Variants in EMILIN1 observed in about 807,000 individuals in gnomAD.
EMILIN1 encodes the protein EMILIN-1.
EMILIN1 carries 49 observed loss-of-function variants against 82.4 expected under a neutral mutation model. The ratio of observed to expected loss-of-function variants is 0.59; its 90% CI spans 0.47 to 0.75. EMILIN1 has a LOEUF of 0.75. EMILIN1 is among the 30% of genes least tolerant of loss of function. The pLI, the probability that EMILIN1 is intolerant of heterozygous loss-of-function variation, is 0.00. For synonymous variants in EMILIN1, 604 were observed against 602.2 expected (o/e 1.00, Z -0.04); for missense variants, 1,313 against 1,366.4 (o/e 0.96, Z 0.62).
rs777144262 is a variant in EMILIN1, at chr2:27,083,748, G to A, written c.2177G>A (p.Arg726Gln). The change falls in exon 4 of 8, where the codon CGA (arginine) becomes CAA (glutamine). Residue 726 changes from arginine (R) to glutamine (Q), a missense_variant. By Grantham distance (43) the Arg-to-Gln change is conservative. Transcript: ENST00000380320. The stretch of plus-strand genomic sequence containing the variant: ...GGCCAGTGCCCCAGCTTAGAGGGGC[G>A]ATTGGGCCGTCTTGAGGGTGTCTGT... Reference protein sequence around the residue: ...QAGQCPSLEGRLGRLEGVCER... With the variant: ...QAGQCPSLEGQLGRLEGVCER... 1.3e-5 allele frequency: 21 copies of A among 1,613,420 alleles called. No individual in the cohort carries two copies. In the Admixed American group the frequency reaches 1.5e-4, roughly 12 times the overall value.
rs1237552666 is a variant in EMILIN1 at position 27,083,686 on chromosome 2, G to A, written c.2115G>A (p.Glu705=). 2 of 1,613,856 alleles carry A rather than the reference G, an allele frequency of 1.2e-6. No homozygotes were observed. The highest frequency in any genetic ancestry group is 1.7e-6 in the Non-Finnish European group (2 of 1,179,848). The change falls in exon 4 of 8, where the codon GAG becomes GAA. Residue 705 remains glutamate, a synonymous_variant. Coordinates refer to ENST00000380320, the MANE Select transcript of EMILIN1 (RefSeq NM_007046.4). Reference sequence around the variant, plus strand: ...CAGAGCATGCTACAGAGAGTGAAGAGCGCTTCCGAGGCCTAGAGGAGGGAC... The same window carrying A: ...CAGAGCATGCTACAGAGAGTGAAGAACGCTTCCGAGGCCTAGAGGAGGGAC... ...EATEHATESE[E]RFRGLEEGQA... is the part of the protein sequence containing the mutation.
At chr2:27,079,334 A>AG in intron 1 of EMILIN1, 99 bp downstream of exon 1, 1 of 1,065,442 alleles carries the variant, frequency 9.4e-7, no homozygotes, top group Non-Finnish European at 1.3e-6. Flanking sequence ...TGCAGGGCAG[A>AG]GGGGGAGTGA....
intron 3 of EMILIN1, 80 bp downstream of exon 3, chr2:27,081,032 G>A: frequency 1.8e-6 from 2 of 1,133,880 alleles, no homozygotes; most frequent in Non-Finnish European, 2.5e-6. Flanking sequence ...CCAGGCTGCT[G>A]GGGGAGTCCC....
At position 27,083,877 on chromosome 2, in the gene EMILIN1, G is replaced by C. The variant is rs1337388794; in HGVS notation, c.2306G>C (p.Ser769Thr). 3 of 1,609,150 alleles carry C rather than the reference G, an allele frequency of 1.9e-6. No individual in the cohort carries two copies. In the South Asian group the frequency reaches 3.3e-5, roughly 18 times the overall value. ...GGGCTCCGGGAAACCAACACCACCA[G>C]CCAGATGCAGGCAGCCCTGCTGGAG... ...WAGLRETNTT[S>T]QMQAALLEKL... The change falls in exon 4 of 8, where the codon AGC becomes ACC. Residue 769 changes from serine (S) to threonine (T), a missense_variant. Transcript: ENST00000380320.
In EMILIN1 at chr2:27,086,026, C is replaced by T. The variant is rs1249123133; in HGVS notation, c.*11C>T. 4 of 1,426,608 alleles carry T rather than the reference C, an allele frequency of 2.8e-6. No homozygotes were observed. Among genetic ancestry groups the T allele is most frequent in the Non-Finnish European group, 2.8e-6 (3 of 1,081,130 alleles). 88.4% of individuals were successfully genotyped at this position (1,426,608 alleles called of 1,614,324 possible). On this transcript the variant is annotated 3_prime_UTR_variant, in exon 8 of 8. Transcript: ENST00000380320. ...CTTGAACACGCGTAGACTGGGGTCC[C>T]GCCCGACGTGTCTACGTCGGCTGAA...
chr2:27,082,412 T>TCAGCCC lies in EMILIN1; in HGVS notation c.843_848dup (p.Ala282_Pro283dup). ...GGGCAGCAGGGCCCCAGCCCCAGCC[T>TCAGCCC]CAGCCCCTCCGGGCCCCAGTGAGGA... is the stretch of plus-strand genomic sequence containing the variant. On this transcript the variant is annotated inframe_insertion, in exon 4 of 8. Transcript: ENST00000380320. The TCAGCCC allele has an allele frequency of 1.2e-6, 2 of 1,606,696 alleles. No individual in the cohort carries two copies. Among genetic ancestry groups the TCAGCCC allele is most frequent in the Middle Eastern group, 1.7e-4 (1 of 6,050 alleles).
chr2:27,081,139 G>GTC (rs1553340456), intron 3 of EMILIN1, among the ~76,000 whole-genome samples, 187 bp downstream of exon 3: 1 of 151,196 alleles, frequency 6.6e-6, no homozygotes, highest in Non-Finnish European at 1.5e-5. Flanking sequence ...GTGTGTGTGT[G>GTC]TGTGTGTGTA....
intron 3 of EMILIN1, 149 bp downstream of exon 3, chr2:27,081,101 C>G: frequency 1.7e-6 from 1 of 601,574 alleles, no homozygotes. Flanking sequence ...CGCAGAGATT[C>G]CCTGCCCGTG....
In EMILIN1 at chr2:27,083,024, GC is replaced by G; in HGVS notation, c.1457del (p.Pro486LeufsTer75). 1.3e-6 allele frequency: 2 copies of G among 1,551,638 alleles called. No individual in the cohort carries two copies. The highest frequency in any genetic ancestry group is 2.2e-4 in the Middle Eastern group (1 of 4,632). On this transcript the variant is annotated frameshift_variant, in exon 4 of 8. Transcript: ENST00000380320. LOFTEE classifies it high-confidence loss of function. ...MQACGQLCSG[A>X]PGEQDSQVSE... Reference sequence around the variant, plus strand: ...GGCATGCGGGCAGCTCTGCTCTGGGGCCCCTGGGGAGCAGGACTCTCAAGTC... The same window carrying G: ...GGCATGCGGGCAGCTCTGCTCTGGGGCCCTGGGGAGCAGGACTCTCAAGTC...
chr2:27,084,310 C>T, intron 4 of EMILIN1, 105 bp from the exon 5 acceptor site: 1 of 757,284 alleles, frequency 1.3e-6, no homozygotes, highest in South Asian at 1.7e-5. Flanking sequence ...CAAAGCTCCA[C>T]CTGTTCCATC....
At position 27,082,932 on chromosome 2, in the gene EMILIN1, C is replaced by T; in HGVS notation, c.1361C>T (p.Ala454Val). ...GRLEQLGGLL[A>V]NVSGELGGRL... ...CTAGAGCAGTTGGGGGGGCTGCTGG[C>T]CAATGTGAGCGGGGAGCTGGGGGGG... Residue 454 changes from alanine (A) to valine (V), a missense_variant, in exon 4 of 8, where the codon GCC becomes GTC. By Grantham distance (64) the Ala-to-Val change is moderately conservative. Transcript: ENST00000380320. 6.3e-7 allele frequency: 1 copy of T among 1,592,622 alleles called. No individual in the cohort carries two copies.
At chr2:27,084,681 A>C (rs1267605035) in intron 5 of EMILIN1, 150 bp downstream of exon 5, 1 of 634,910 alleles carries the variant, frequency 1.6e-6, no homozygotes, top group African/African-American at 1.8e-5. Flanking sequence ...ATCAGAGGAA[A>C]GTGAGGAGGA....
At chr2:27,084,852 C>T in intron 5 of EMILIN1, 139 bp from the exon 6 acceptor site, 3 of 805,594 alleles carry the variant, frequency 3.7e-6, no homozygotes, top group Non-Finnish European at 6.5e-6. Context: ...CCTACCTATT[C>T]CTGTTTTTCT....
chr2:27,085,258 G>A lies in EMILIN1; in HGVS notation c.2674G>A (p.Val892Ile). The A allele has an allele frequency of 6.2e-7, 1 of 1,614,128 alleles. No individual in the cohort carries two copies. The highest frequency in any genetic ancestry group is 8.5e-7 in the Non-Finnish European group (1 of 1,180,042). ...SEPGTVPFDR[V>I]LLNDGGYYDP... ...ACCAGGCACGGTCCCCTTCGACAGA[G>A]TCCTGCTCAATGATGGAGGCTATTA... is the stretch of plus-strand genomic sequence containing the variant. Residue 892 changes from valine (V) to isoleucine (I), a missense_variant, in exon 7 of 8, where the codon GTC becomes ATC. Transcript: ENST00000380320.
chr2:27,080,934 A>C lies in EMILIN1; in HGVS notation c.493A>C (p.Ser165Arg). ...TGGCTCCAGTGCAGGCAGCCCCCTC[A>C]GTGGACTGGGGGGAGAAGGTGAGTG... ...LSGSSAGSPL[S>R]GLGGEGPGES... is the part of the protein sequence containing the mutation. The change falls in exon 3 of 8, where the codon AGT becomes CGT. Residue 165 changes from serine to arginine, a missense_variant. Ser to Arg is a moderately radical substitution (Grantham distance 110). Transcript: ENST00000380320. The C allele has an allele frequency of 1.3e-6, 2 of 1,595,120 alleles. No individual in the cohort carries two copies. The highest frequency in any genetic ancestry group is 1.7e-6 in the Non-Finnish European group (2 of 1,170,574).
In EMILIN1 at chr2:27,080,218, G is replaced by T. The variant is rs112756874; in HGVS notation, c.238G>T (p.Val80Phe). Residue 80 changes from valine to phenylalanine, a missense_variant, in exon 2 of 8, where the codon GTC becomes TTC. Coordinates refer to ENST00000380320, the MANE Select transcript of EMILIN1 (RefSeq NM_007046.4). ...CCTTGAGGATGGAGTGGAGACATAT[G>T]TCAAGTACCAGCCTTGTGCCTGGGG... ...CVLEDGVETY[V>F]KYQPCAWGQP... The T allele has an allele frequency of 6.2e-7, 1 of 1,614,158 alleles. No homozygotes were observed. Among genetic ancestry groups the T allele is most frequent in the Non-Finnish European group, 8.5e-7 (1 of 1,179,984 alleles).
Position 27,079,078 on chromosome 2 carries a change from A to C in EMILIN1, c.13A>C (p.Thr5Pro), listed in dbSNP as rs1471513105. 6.3e-7 allele frequency: 1 copy of C among 1,596,830 alleles called. No homozygotes were observed. The highest frequency in any genetic ancestry group is 8.5e-7 in the Non-Finnish European group (1 of 1,173,104). ...GGAGCGCCCCGCCATGGCCCCCCGC[A>C]CCCTCTGGAGCTGCTACCTCTGCTG... Reference protein sequence around the residue: MAPRTLWSCYLCCLL... With the variant: MAPRPLWSCYLCCLL... Residue 5 changes from threonine (T) to proline (P), a missense_variant, in exon 1 of 8, where the codon ACC (threonine) becomes CCC (proline). Transcript: ENST00000380320.
Position 27,085,205 on chromosome 2 carries a change from C to T in EMILIN1, c.2621C>T (p.Ser874Leu). 6.2e-7 allele frequency: 1 copy of T among 1,614,194 alleles called. No individual in the cohort carries two copies. The highest frequency in any genetic ancestry group is 8.5e-7 in the Non-Finnish European group (1 of 1,180,048). Residue 874 changes from serine (S) to leucine (L), a missense_variant, in exon 7 of 8, where the codon TCA becomes TTA. Physicochemically the swap from Ser to Leu is moderately radical, Grantham distance 145. Coordinates refer to ENST00000380320, the MANE Select transcript of EMILIN1 (RefSeq NM_007046.4). Reference protein sequence around the residue: ...PAAPVPQVAFSAALSLPRSEP... With the variant: ...PAAPVPQVAFLAALSLPRSEP... ...GCCCCTGTGCCCCAAGTGGCATTTT[C>T]AGCTGCTCTGAGTTTGCCCCGGTCT...
Position 27,083,613 on chromosome 2 carries a change from C to A in EMILIN1, c.2042C>A (p.Thr681Asn), listed in dbSNP as rs935896391. 2.5e-6 allele frequency: 4 copies of A among 1,612,928 alleles called. No homozygotes were observed. The highest frequency in any genetic ancestry group is 3.4e-6 in the Non-Finnish European group (4 of 1,179,124). ...QGADLADLGA[T>N]KDRIISEINR... is the part of the protein sequence containing the mutation. The stretch of plus-strand genomic sequence containing the variant: ...GCTGATCTGGCTGACCTGGGGGCAA[C>A]CAAGGACCGTATCATTTCTGAGATT... The change falls in exon 4 of 8, where the codon ACC (threonine) becomes AAC (asparagine). Residue 681 changes from threonine to asparagine, a missense_variant. Thr to Asn is a moderately conservative substitution (Grantham distance 65, BLOSUM62 0). Coordinates refer to ENST00000380320, the MANE Select transcript of EMILIN1 (RefSeq NM_007046.4).
Sources: gnomAD v4.1 joint callset for allele counts (sites outside exome capture counted in the v4.1 genomes callset) on GRCh38, gnomAD v4.1.1 for gene constraint, MANE v1.5 for transcripts, NCBI Gene and HGNC (gene_info 2026-07-23, HGNC 2026-07-21) for gene names.